RFX3: variants seen among roughly 807,000 people sequenced by gnomAD.
The protein encoded by RFX3 is regulatory factor X3, also known as transcription factor RFX3.
Under a neutral mutation model 98.6 loss-of-function variants are expected in RFX3, and 14 were observed. The ratio of observed to expected loss-of-function variants is 0.14; its 90% confidence interval spans 0.09 to 0.22. The LOEUF (loss-of-function observed/expected upper bound fraction) is 0.22, where lower values mean the gene tolerates loss of function less well. Ranked by LOEUF, RFX3 falls within the 10% of genes least tolerant of loss-of-function variation. The probability of loss-of-function intolerance (pLI) is 1.00; values close to 1 mark genes in which losing one functional copy is unlikely to be tolerated. For synonymous variants in RFX3, 383 were observed against 328.4 expected, an observed-to-expected ratio of 1.17 and a Z score of -1.80; for missense variants, 639 against 926.9, an observed-to-expected ratio of 0.69 and a Z score of 4.03.
At chr9:3,486,819 G>A (rs1850317167) in intron 1 of RFX3, among the ~76,000 whole-genome samples, 1 of 152,024 alleles carries the variant, frequency 6.6e-6, no homozygotes, top group African/African-American at 2.4e-5. Flanking sequence ...GTTTTTGATG[G>A]GCCCCAGATA....
intron 2 of RFX3, among the ~76,000 whole-genome samples, chr9:3,354,593 C>A (rs1273232583): frequency 1.3e-5 from 2 of 151,636 alleles, no homozygotes; most frequent in Non-Finnish European, 2.9e-5. Context: ...AAAAATATTT[C>A]AAACTAAATT....
intron 2 of RFX3, among the ~76,000 whole-genome samples, chr9:3,369,795 T>C (rs1252931271): frequency 6.6e-6 from 1 of 152,068 alleles, no homozygotes; most frequent in South Asian, 2.1e-4. Context: ...AATGACGAAT[T>C]AGATTTACAG....
At chr9:3,235,375 C>G (rs1819003649) in intron 15 of RFX3, among the ~76,000 whole-genome samples, 1 of 152,156 alleles carries the variant, frequency 6.6e-6, no homozygotes, top group Non-Finnish European at 1.5e-5. Context: ...AAATAATATA[C>G]TGGAGGAAGA....
intron 2 of RFX3, among the ~76,000 whole-genome samples, chr9:3,387,196 T>A (rs1238178517): frequency 6.6e-6 from 1 of 152,174 alleles, no homozygotes; most frequent in Non-Finnish European, 1.5e-5. Flanking sequence ...TCTTTGCTCC[T>A]AAGCACTTTG....
intron 2 of RFX3, among the ~76,000 whole-genome samples, chr9:3,389,819 CT>C (rs1224333342): frequency 1.3e-5 from 2 of 152,018 alleles, no homozygotes; most frequent in African/African-American, 4.8e-5. Context: ...ATACCACAAA[CT>C]GAAAAAAGTT....
At chr9:3,411,235 A>G (rs1259188252) in intron 1 of RFX3, among the ~76,000 whole-genome samples, 1 of 152,224 alleles carries the variant, frequency 6.6e-6, no homozygotes, top group Admixed American at 6.5e-5. Context: ...CAATGAATAC[A>G]TAAATTCTTT....
chr9:3,418,064 T>A (rs576016967), intron 1 of RFX3, among the ~76,000 whole-genome samples: 14 of 152,226 alleles, frequency 9.2e-5, no homozygotes, highest in Non-Finnish European at 1.9e-4. Flanking sequence ...AAATTTTCTA[T>A]ATTTCACATA....
chr9:3,514,300 C>G (rs1427065013), intron 1 of RFX3, among the ~76,000 whole-genome samples: 1 of 152,140 alleles, frequency 6.6e-6, no homozygotes, highest in East Asian at 1.9e-4. Flanking sequence ...ATTGATTGTT[C>G]TACAACACCA....
At chr9:3,410,919 CA>C (rs1227151468) in intron 1 of RFX3, among the ~76,000 whole-genome samples, 2 of 152,118 alleles carry the variant, frequency 1.3e-5, no homozygotes, top group Admixed American at 6.5e-5. Context: ...TACATAAAAG[CA>C]GTATTTCTGT....
Position 3,301,631 on chromosome 9 carries a change from A to AC in RFX3, c.475-12_475-11insG. On this transcript the variant is annotated splice_polypyrimidine_tract_variant and intron_variant, in intron 4 of 16. Transcript: ENST00000617270. Reference sequence around the variant, plus strand: ...AATCGCCATTTCAATCTGATAATAGATGTCATTAAAAAAAGGGCTCAAGAC... The same window carrying AC: ...AATCGCCATTTCAATCTGATAATAGACTGTCATTAAAAAAAGGGCTCAAGAC... 6.3e-7 allele frequency: 1 copy of AC among 1,583,130 alleles called. No individual in the cohort carries two copies. Among genetic ancestry groups the AC allele is most frequent in the Non-Finnish European group, 8.6e-7 (1 of 1,156,394 alleles).
chr9:3,460,181 T>C (rs1029379583), intron 1 of RFX3, among the ~76,000 whole-genome samples: 2 of 151,980 alleles, frequency 1.3e-5, no homozygotes, highest in African/African-American at 2.4e-5. Flanking sequence ...GTAGGGAATG[T>C]GACAAATTGG....
At chr9:3,401,779 G>A (rs1415292559) in intron 1 of RFX3, among the ~76,000 whole-genome samples, 1 of 152,164 alleles carries the variant, frequency 6.6e-6, no homozygotes, top group Admixed American at 6.5e-5. Flanking sequence ...ACACCCGCCT[G>A]TTAACGGTTC....
At chr9:3,339,774 C>T (rs560163380) in intron 3 of RFX3, among the ~76,000 whole-genome samples, 46 of 152,258 alleles carry the variant, frequency 3.0e-4, no homozygotes, top group African/African-American at 9.6e-4. Context: ...AATGGAAGAA[C>T]ATTCCATGCT....
chr9:3,321,327 G>T (rs1272402627), intron 4 of RFX3, among the ~76,000 whole-genome samples: 1 of 152,168 alleles, frequency 6.6e-6, no homozygotes, highest in Non-Finnish European at 1.5e-5. Flanking sequence ...CAGAGGATAT[G>T]TGTATTTTTA....
At chr9:3,457,137 C>T (rs1327554325) in intron 1 of RFX3, among the ~76,000 whole-genome samples, 4 of 47,470 alleles carry the variant, frequency 8.4e-5, no homozygotes, top group African/African-American at 3.3e-4. Context: ...GAGACTCCAT[C>T]TCAAAAAAAA....
intron 6 of RFX3, among the ~76,000 whole-genome samples, chr9:3,292,267 T>C (rs1467243942): frequency 1.3e-5 from 2 of 151,890 alleles, no homozygotes; most frequent in African/African-American, 4.8e-5. Flanking sequence ...AATATTTATC[T>C]TATGATAATT....
intron 16 of RFX3, among the ~76,000 whole-genome samples, chr9:3,227,463 G>T (rs1049933984): frequency 3.9e-5 from 6 of 152,180 alleles, no homozygotes. Flanking sequence ...AAAACTCGAA[G>T]ACACTTTCTA....
At chr9:3,505,614 A>G (rs1389768835) in intron 1 of RFX3, among the ~76,000 whole-genome samples, 1 of 150,560 alleles carries the variant, frequency 6.6e-6, no homozygotes, top group Non-Finnish European at 1.5e-5. Context: ...AGCAGCTACC[A>G]AAGTATCAAT....
intron 15 of RFX3, among the ~76,000 whole-genome samples, chr9:3,243,760 T>C (rs1343014059): frequency 6.6e-6 from 1 of 152,218 alleles, no homozygotes; most frequent in Non-Finnish European, 1.5e-5. Context: ...AGCAAGCACC[T>C]GTAAAGGCAA....
Sources: allele counts gnomAD v4.1 joint callset (sites outside exome capture counted in the v4.1 genomes callset), GRCh38; gene constraint gnomAD v4.1.1; transcripts MANE v1.5; gene names NCBI Gene and HGNC (gene_info 2026-07-23, HGNC 2026-07-21).